Variants in PTDSS1 observed in about 807,000 individuals in gnomAD.
The protein encoded by PTDSS1 is PSS-1.
A neutral mutation model predicts 70.5 loss-of-function variants in PTDSS1; 45 were observed. The observed-to-expected ratio is 0.64, with a 90% CI of 0.50 to 0.82. The LOEUF is 0.82. Among genes scored for constraint, PTDSS1 ranks in the 40% least tolerant of loss-of-function variants. The pLI is 0.00. For synonymous variants in PTDSS1, 188 were observed against 203.8 expected (o/e 0.92, Z 0.66); for missense variants, 417 against 586.1 (o/e 0.71, Z 2.98).
intron 10 of PTDSS1, among the ~76,000 whole-genome samples, chr8:96,325,322 G>A (rs1236718281): frequency 1.3e-5 from 2 of 152,168 alleles, no homozygotes; most frequent in Non-Finnish European, 2.9e-5. Context: ...AATTAGACAT[G>A]CAAACTAATT....
At chr8:96,318,889 G>T (rs1185703358) in intron 9 of PTDSS1, among the ~76,000 whole-genome samples, 2 of 142,716 alleles carry the variant, frequency 1.4e-5, no homozygotes, top group African/African-American at 5.1e-5. Flanking sequence ...GGGCCTTCTT[G>T]GCCCCTTCTT....
At chr8:96,272,294 A>AT (rs1311222887) in intron 1 of PTDSS1, among the ~76,000 whole-genome samples, 2 of 151,850 alleles carry the variant, frequency 1.3e-5, no homozygotes, top group African/African-American at 4.8e-5. Flanking sequence ...TTCTTCCAGT[A>AT]TTTTTTAAAA....
intron 10 of PTDSS1, among the ~76,000 whole-genome samples, chr8:96,321,917 A>G (rs1456735798): frequency 6.6e-6 from 1 of 152,186 alleles, no homozygotes; most frequent in East Asian, 1.9e-4. Flanking sequence ...AGATGTAAGG[A>G]ATCGGTTAGG....
intron 2 of PTDSS1, among the ~76,000 whole-genome samples, chr8:96,280,994 A>T (rs950681874): frequency 1.8e-4 from 28 of 152,240 alleles, no homozygotes; most frequent in Admixed American, 1.8e-3. Context: ...GATGCTACAG[A>T]TGGGGCTCAT....
At chr8:96,267,909 C>T (rs1262482120) in intron 1 of PTDSS1, among the ~76,000 whole-genome samples, 1 of 152,180 alleles carries the variant, frequency 6.6e-6, no homozygotes, top group African/African-American at 2.4e-5. Flanking sequence ...ATGACACCAC[C>T]CTTGGCATCC....
Position 96,333,364 on chromosome 8 carries a change from C to A in PTDSS1, c.1313-93C>A, listed in dbSNP as rs538847218. ...GGGGAGTGCACGTATCAGGGAAGAA[C>A]CTGTTCCCCGGCAAGCCTAGGGCGG... is the stretch of plus-strand genomic sequence containing the variant. On this transcript the variant is annotated intron_variant, in intron 12 of 12. Transcript: ENST00000517309. 2.1e-4 allele frequency: 237 copies of A among 1,126,128 alleles called. 2 individuals are homozygous for A. The South Asian group carries it at 2.8e-3, about 14-fold the overall frequency. The allele number at this position is 1,126,128 out of a possible 1,614,324, so 69.8% of individuals were successfully genotyped here.
chr8:96,261,943 G>A lies in PTDSS1; in HGVS notation c.-98G>A, dbSNP rs1301586435. 7.6e-7 allele frequency: 1 copy of A among 1,308,802 alleles called. No homozygotes were observed. The highest frequency in any genetic ancestry group is 1.0e-6 in the Non-Finnish European group (1 of 962,826). 81.1% of individuals were successfully genotyped at this position (1,308,802 alleles called of 1,614,324 possible). On this transcript the variant is annotated 5_prime_UTR_variant, in exon 1 of 13. Transcript: ENST00000517309. ...TTTGCTGGGCGCCAGACCCGGCTTT[G>A]CCGTCCGGCTATTAGCCTACTGTGG...
intron 9 of PTDSS1, among the ~76,000 whole-genome samples, chr8:96,319,250 A>G (rs1563582425): frequency 6.6e-6 from 1 of 152,010 alleles, no homozygotes; most frequent in Non-Finnish European, 1.5e-5. Context: ...GTGTGAGTAC[A>G]CCATTCATGG....
chr8:96,284,807 A>G (rs572081360), intron 3 of PTDSS1, among the ~76,000 whole-genome samples: 1 of 152,384 alleles, frequency 6.6e-6, no homozygotes, highest in African/African-American at 2.4e-5. Flanking sequence ...AAAAATGTAC[A>G]AGAACTCTAA....
chr8:96,298,735 C>A (rs1395408835), intron 5 of PTDSS1, among the ~76,000 whole-genome samples: 1 of 152,146 alleles, frequency 6.6e-6, no homozygotes, highest in African/African-American at 2.4e-5. Context: ...CATTGTAACA[C>A]TTTCCTCAGT....
chr8:96,284,334 G>A (rs912307444), intron 3 of PTDSS1, among the ~76,000 whole-genome samples, 181 bp downstream of exon 3: 6 of 152,184 alleles, frequency 3.9e-5, no homozygotes, highest in African/African-American at 1.2e-4. Flanking sequence ...AAGTGTTGAG[G>A]ATGACTTAAA....
intron 8 of PTDSS1, among the ~76,000 whole-genome samples, chr8:96,307,991 T>G (rs1201184472): frequency 6.6e-6 from 1 of 152,164 alleles, no homozygotes; most frequent in Non-Finnish European, 1.5e-5. Flanking sequence ...GCCCTTACAC[T>G]GTTTGAGGCA....
chr8:96,313,255 C>T (rs148267564), intron 9 of PTDSS1, among the ~76,000 whole-genome samples: 1 of 152,096 alleles, frequency 6.6e-6, no homozygotes, highest in Admixed American at 6.6e-5. Context: ...GCTTTTAAAC[C>T]TTTTATACGA....
intron 4 of PTDSS1, among the ~76,000 whole-genome samples, chr8:96,290,953 A>C (rs1446402860): frequency 6.8e-6 from 1 of 147,764 alleles, no homozygotes; most frequent in Non-Finnish European, 1.5e-5. Context: ...TAATATTATA[A>C]ATATTATAAA....
rs372579675 is a variant in PTDSS1, at chr8:96,326,655, T to G, written c.1174-3558T>G. On this transcript the variant is annotated intron_variant, in intron 10 of 12. Transcript: ENST00000517309. ...GAGTTGGATGAAGAGTAGGACAGGG[T>G]CCCCTGCTTAGGAAGGGCTTTGTGC... Among the ~76,000 whole-genome samples the G allele has an allele frequency of 1.4e-4, 21 of 152,152 alleles. No individual in the cohort carries two copies. In the East Asian group the frequency reaches 2.7e-3, roughly 20 times the overall value.
At chr8:96,332,008 C>A (rs2130190009) in intron 12 of PTDSS1, among the ~76,000 whole-genome samples, 1 of 101,438 alleles carries the variant, frequency 9.9e-6, no homozygotes, top group African/African-American at 4.2e-5. Flanking sequence ...AGAACAAGTC[C>A]CTGCCTCTTA....
At chr8:96,289,293 G>A (rs922032964) in intron 4 of PTDSS1, among the ~76,000 whole-genome samples, 15 of 152,166 alleles carry the variant, frequency 9.9e-5, no homozygotes, top group Non-Finnish European at 4.4e-5. Context: ...GGGACTGAAA[G>A]TTCTAGGCTT....
chr8:96,309,692 CCT>C, intron 9 of PTDSS1, 70 bp downstream of exon 9: 2 of 1,493,272 alleles, frequency 1.3e-6, no homozygotes, highest in East Asian at 4.6e-5. Flanking sequence ...ATTTCTTGAC[CCT>C]GTGTTAAGAG....
At chr8:96,277,090 C>CAGTTCAG (rs932077531) in intron 2 of PTDSS1, among the ~76,000 whole-genome samples, 2 of 152,066 alleles carry the variant, frequency 1.3e-5, no homozygotes, top group Non-Finnish European at 2.9e-5. Context: ...AGGAGGATGG[C>CAGTTCAG]AGTTCAGTGT....
Sources: allele counts gnomAD v4.1 joint callset (sites outside exome capture counted in the v4.1 genomes callset), GRCh38; gene constraint gnomAD v4.1.1; transcripts MANE v1.5; gene names NCBI Gene and HGNC (gene_info 2026-07-23, HGNC 2026-07-21).